SLC24A3: variants seen among roughly 807,000 people sequenced by gnomAD.
The protein encoded by SLC24A3 is solute carrier family 24 member 3.
Under a neutral mutation model 75.8 loss-of-function variants are expected in SLC24A3, and 28 were observed. The ratio of observed to expected loss-of-function variants is 0.37; its 90% CI spans 0.27 to 0.51. The LOEUF (loss-of-function observed/expected upper bound fraction) is 0.51. Ranked by LOEUF, SLC24A3 falls within the 20% of genes least tolerant of loss-of-function variation. SLC24A3 has a pLI of 0.94. For synonymous variants in SLC24A3, 372 were observed against 334.1 expected, an observed-to-expected ratio of 1.11 and a Z score of -1.24; for missense variants, 663 against 847.8, an observed-to-expected ratio of 0.78 and a Z score of 2.71.
intron 3 of SLC24A3, among the ~76,000 whole-genome samples, chr20:19,558,618 G>T (rs2030826500): frequency 6.6e-6 from 1 of 151,942 alleles, no homozygotes; most frequent in South Asian, 2.1e-4. Context: ...GAACAGCTTG[G>T]GCCAGTTTAA....
chr20:19,553,210 CCTCTGTGTGCACAT>C (rs1568654105), intron 3 of SLC24A3, among the ~76,000 whole-genome samples: 1 of 152,034 alleles, frequency 6.6e-6, no homozygotes, highest in Non-Finnish European at 1.5e-5. Context: ...CGTGTGCACA[CCTCTGTGTGCACAT>C]CTCTAGGTGT....
At position 19,289,954 on chromosome 20, in the gene SLC24A3, T is replaced by C. The variant is rs552983599; in HGVS notation, c.271+8867T>C. On this transcript the variant is annotated intron_variant, in intron 2 of 16. Coordinates refer to ENST00000328041, the MANE Select transcript of SLC24A3 (RefSeq NM_020689.4). ...GGTTGCCTGTCTCCCAAAGCCTTGT[T>C]TGTGTGTGGTCAGCCTTAGGTCACA... Among the ~76,000 whole-genome samples the C allele has an allele frequency of 2.6e-5, 4 of 152,316 alleles. No individual in the cohort carries two copies. In the East Asian group the frequency reaches 7.7e-4, roughly 29 times the overall value.
chr20:19,393,794 A>G (rs1480416438), intron 2 of SLC24A3, among the ~76,000 whole-genome samples: 1 of 152,204 alleles, frequency 6.6e-6, no homozygotes, highest in African/African-American at 2.4e-5. Context: ...ACACAAAATG[A>G]TCTACGTATT....
At chr20:19,552,107 A>G (rs1363473312) in intron 3 of SLC24A3, among the ~76,000 whole-genome samples, 1 of 152,210 alleles carries the variant, frequency 6.6e-6, no homozygotes, top group Non-Finnish European at 1.5e-5. Flanking sequence ...CCCGTCTTTG[A>G]ATCTTTCATT....
chr20:19,605,588 T>C (rs1259200466), intron 6 of SLC24A3, among the ~76,000 whole-genome samples: 1 of 152,200 alleles, frequency 6.6e-6, no homozygotes, highest in African/African-American at 2.4e-5. Context: ...TGTTTGTTCA[T>C]TCAGAGCTGT....
At chr20:19,414,641 G>C (rs1283078899) in intron 2 of SLC24A3, among the ~76,000 whole-genome samples, 1 of 152,196 alleles carries the variant, frequency 6.6e-6, no homozygotes, top group African/African-American at 2.4e-5. Context: ...TCAGGACAAT[G>C]CAATTACAAG....
At chr20:19,591,705 C>A (rs151073724) in intron 6 of SLC24A3, among the ~76,000 whole-genome samples, 1 of 152,302 alleles carries the variant, frequency 6.6e-6, no homozygotes, top group African/African-American at 2.4e-5. Context: ...GAACTAGTTA[C>A]TCAATTGGTT....
intron 6 of SLC24A3, among the ~76,000 whole-genome samples, chr20:19,610,274 A>G (rs2031655716): frequency 6.6e-6 from 1 of 152,092 alleles, no homozygotes; most frequent in South Asian, 2.1e-4. Context: ...ACAAAGGAAA[A>G]CATTGGGATC....
At chr20:19,639,540 C>G (rs915193370) in intron 6 of SLC24A3, among the ~76,000 whole-genome samples, 1 of 152,236 alleles carries the variant, frequency 6.6e-6, no homozygotes, top group Non-Finnish European at 1.5e-5. Flanking sequence ...ACGTCCCCAC[C>G]AGACTCAGGA....
intron 6 of SLC24A3, among the ~76,000 whole-genome samples, chr20:19,620,830 G>A (rs1409568324): frequency 6.6e-6 from 1 of 152,162 alleles, no homozygotes; most frequent in East Asian, 1.9e-4. Flanking sequence ...AGACAGAGAG[G>A]GAGAGAATGA....
intron 6 of SLC24A3, among the ~76,000 whole-genome samples, chr20:19,599,247 G>T (rs568461719): frequency 2.0e-5 from 3 of 152,208 alleles, no homozygotes; most frequent in African/African-American, 7.2e-5. Flanking sequence ...TGAGTCAGTG[G>T]AGCAAAACAG....
intron 9 of SLC24A3, among the ~76,000 whole-genome samples, chr20:19,679,472 C>G (rs894585091): frequency 4.5e-5 from 6 of 132,752 alleles, no homozygotes; most frequent in East Asian, 2.4e-4. Context: ...AGCTTCGGCT[C>G]GGCATCAGAG....
chr20:19,517,906 G>T (rs2030026845), intron 3 of SLC24A3, among the ~76,000 whole-genome samples: 2 of 152,138 alleles, frequency 1.3e-5, no homozygotes, highest in Non-Finnish European at 2.9e-5. Flanking sequence ...ACCTGCTGGT[G>T]CCATCCCCAA....
chr20:19,316,307 G>A (rs1050026024), intron 2 of SLC24A3, among the ~76,000 whole-genome samples: 3 of 152,178 alleles, frequency 2.0e-5, no homozygotes, highest in African/African-American at 7.2e-5. Flanking sequence ...CTACCTCTTG[G>A]TGCTTCTGTA....
chr20:19,594,625 A>G (rs747108825), intron 6 of SLC24A3, among the ~76,000 whole-genome samples: 9 of 152,246 alleles, frequency 5.9e-5, no homozygotes, highest in Non-Finnish European at 1.2e-4. Flanking sequence ...ATTACATTCT[A>G]GTAGCAGGCT....
At chr20:19,533,058 AC>A (rs1291779045) in intron 3 of SLC24A3, among the ~76,000 whole-genome samples, 1 of 152,204 alleles carries the variant, frequency 6.6e-6, no homozygotes, top group African/African-American at 2.4e-5. Flanking sequence ...CTGCTGCATT[AC>A]AAAACACCCA....
intron 2 of SLC24A3, among the ~76,000 whole-genome samples, chr20:19,399,283 T>A (rs1004178530): frequency 6.6e-6 from 1 of 152,128 alleles, no homozygotes; most frequent in Non-Finnish European, 1.5e-5. Flanking sequence ...TTATTTTCTA[T>A]CTTCTACTTC....
At chr20:19,328,818 G>C (rs1022716662) in intron 2 of SLC24A3, among the ~76,000 whole-genome samples, 6 of 152,232 alleles carry the variant, frequency 3.9e-5, no homozygotes, top group Admixed American at 6.5e-5. Context: ...GAGGAAGACA[G>C]AAGCTTATAT....
chr20:19,414,834 A>G (rs1986800877), intron 2 of SLC24A3, among the ~76,000 whole-genome samples: 1 of 152,186 alleles, frequency 6.6e-6, no homozygotes, highest in African/African-American at 2.4e-5. Flanking sequence ...CCTGTAAATT[A>G]CATAATGCAT....
Sources: allele counts gnomAD v4.1 joint callset (sites outside exome capture counted in the v4.1 genomes callset), GRCh38; gene constraint gnomAD v4.1.1; transcripts MANE v1.5; gene names NCBI Gene and HGNC (gene_info 2026-07-23, HGNC 2026-07-21).